CSF1R: variants seen among roughly 807,000 people sequenced by gnomAD.
CSF1R encodes the protein colony stimulating factor 1 receptor.
Under a neutral mutation model 110.0 loss-of-function variants are expected in CSF1R, and 40 were observed. That is an observed-to-expected ratio of 0.36 (90% CI 0.28 to 0.47). CSF1R has a LOEUF of 0.47. CSF1R is among the 20% of genes least tolerant of loss of function. The pLI, the probability that CSF1R is intolerant of heterozygous loss-of-function variation, is 0.99. For synonymous variants in CSF1R, 523 were observed against 503.4 expected (o/e 1.04, Z -0.52); for missense variants, 1,052 against 1,253.0 (o/e 0.84, Z 2.42).
At chr5:150,098,889 ACTTTTTT>A (rs1464822826) in intron 1 of CSF1R, among the ~76,000 whole-genome samples, 3 of 132,998 alleles carry the variant, frequency 2.3e-5, no homozygotes, top group Non-Finnish European at 3.2e-5. Flanking sequence ...AATACAAACA[ACTTTTTT>A]TTTTTTTTTT....
Position 150,110,770 on chromosome 5 carries a change from G to A in CSF1R, c.-181+2491C>T, listed in dbSNP as rs138505482. On this transcript the variant is annotated intron_variant, in intron 1 of 21. Transcript: ENST00000286301. ...GATAAATTTGTACCACAGAGTTGCT[G>A]AATAAAGAGAATAAAGATTTAAAAT... is the stretch of plus-strand genomic sequence containing the variant. 1.6e-3 allele frequency among the ~76,000 whole-genome samples: 247 copies of A among 152,258 alleles called. 6 individuals are homozygous for A. In the South Asian group the frequency reaches 0.025, roughly 16 times the overall value.
intron 9 of CSF1R, among the ~76,000 whole-genome samples, chr5:150,068,987 T>G (rs1757908693): frequency 1.3e-5 from 2 of 152,222 alleles, no homozygotes; most frequent in South Asian, 2.1e-4. Context: ...TTCTATTTAT[T>G]TCCTAGGTTT....
chr5:150,057,041 G>A (rs1757250975), intron 16 of CSF1R, among the ~76,000 whole-genome samples: 1 of 152,132 alleles, frequency 6.6e-6, no homozygotes, highest in Non-Finnish European at 1.5e-5. Flanking sequence ...AAAAACGAAT[G>A]AAGAAAGCCT....
chr5:150,103,092 A>G (rs1160944479), intron 1 of CSF1R, among the ~76,000 whole-genome samples: 1 of 152,262 alleles, frequency 6.6e-6, no homozygotes, highest in Non-Finnish European at 1.5e-5. Flanking sequence ...AGGAAGGTCA[A>G]GGAGGGTTTG....
Position 150,057,539 on chromosome 5 carries a change from A to G in CSF1R, c.2186T>C (p.Val729Ala), listed in dbSNP as rs1041149647. 2.5e-6 allele frequency: 4 copies of G among 1,614,056 alleles called. No individual in the cohort carries two copies. In the African/African-American group the frequency reaches 5.3e-5, roughly 22 times the overall value. Residue 729 changes from valine (V) to alanine (A), a missense_variant, in exon 15 of 21, where the codon GTC becomes GCC. Physicochemically the swap from Val to Ala is moderately conservative, Grantham distance 64. This residue lies in a region of CSF1R where 124 missense variants were observed against 117.7 expected (regional missense o/e 1.05). Coordinates refer to ENST00000675795, the MANE Select transcript of CSF1R (RefSeq NM_001288705.3). ...GAAGGAGTCATTTGAAGAAGTGGAGACAGGCCTCATCTCCACATAGGTGTC... is the reference window on the plus strand; with the variant it reads ...GAAGGAGTCATTTGAAGAAGTGGAGGCAGGCCTCATCTCCACATAGGTGTC... ...GVDTYVEMRP[V>A]STSSNDSFSE...
intron 1 of CSF1R, among the ~76,000 whole-genome samples, chr5:150,097,349 G>A (rs1438274029): frequency 2.0e-5 from 3 of 150,502 alleles, no homozygotes; most frequent in Admixed American, 6.6e-5. Flanking sequence ...GGGAGGTAGG[G>A]AAGGAGGAAG....
intron 10 of CSF1R, among the ~76,000 whole-genome samples, chr5:150,063,355 C>T (rs1371393313): frequency 1.4e-5 from 2 of 147,586 alleles, no homozygotes; most frequent in East Asian, 4.0e-4. Flanking sequence ...CGCCATCTGA[C>T]TTTTTTTTTT....
chr5:150,094,900 G>A lies in CSF1R; in HGVS notation c.-180-8293C>T. Reference sequence around the variant, plus strand: ...CATGAGATCTATACTGTTGGAAAACGCTTCAAAGAGGCAAATAACTTCCTG... The same window carrying A: ...CATGAGATCTATACTGTTGGAAAACACTTCAAAGAGGCAAATAACTTCCTG... On this transcript the variant is annotated intron_variant, in intron 1 of 21. Transcript: ENST00000286301. The A allele has an allele frequency of 1.3e-5, 16 of 1,263,312 alleles. 1 individual carries two copies. The South Asian group carries it at 1.5e-4, about 12-fold the overall frequency. 78.3% of individuals were successfully genotyped at this position (1,263,312 alleles called of 1,614,324 possible).
chr5:150,091,327 T>C (rs1759029982), upstream of CSF1R, among the ~76,000 whole-genome samples: 1 of 152,176 alleles, frequency 6.6e-6, no homozygotes, highest in Non-Finnish European at 1.5e-5. Flanking sequence ...AATAAATACA[T>C]GCACGCAAAT....
At chr5:150,084,219 C>T (rs1581329355) in intron 1 of CSF1R, among the ~76,000 whole-genome samples, 2 of 151,638 alleles carry the variant, frequency 1.3e-5, no homozygotes, top group East Asian at 3.9e-4. Context: ...CACCAGTAAT[C>T]ACAGCTACTC....
intron 1 of CSF1R, among the ~76,000 whole-genome samples, chr5:150,084,727 C>T (rs1024800592): frequency 2.0e-5 from 3 of 151,638 alleles, no homozygotes; most frequent in African/African-American, 7.3e-5. Flanking sequence ...GCTGGGATTA[C>T]AGGTGTGAGC....
At chr5:150,111,475 T>A (rs1759715245) in intron 1 of CSF1R, among the ~76,000 whole-genome samples, 1 of 152,222 alleles carries the variant, frequency 6.6e-6, no homozygotes, top group South Asian at 2.1e-4. Context: ...CTCCCACAAA[T>A]GAGTTTTTAT....
At position 150,069,999 on chromosome 5, in the gene CSF1R, G is replaced by A. The variant is rs1236366707; in HGVS notation, c.1384C>T (p.Pro462Ser). Residue 462 changes from proline (P) to serine (S), a missense_variant, in exon 9 of 21, where the codon CCC (proline) becomes TCC (serine). Coordinates refer to ENST00000675795, the MANE Select transcript of CSF1R (RefSeq NM_001288705.3). ...CTCTGCACCGTCACCTTGTGGAAGGGCTCCTGGCTCAGGACCTCAGGGTAT... is the reference window on the plus strand; with the variant it reads ...CTCTGCACCGTCACCTTGTGGAAGGACTCCTGGCTCAGGACCTCAGGGTAT... The part of the protein sequence containing the change: ...DPYPEVLSQE[P>S]FHKVTVQSLL... The A allele has an allele frequency of 1.2e-6, 2 of 1,613,994 alleles. No homozygotes were observed. The highest frequency in any genetic ancestry group is 1.7e-6 in the Non-Finnish European group (2 of 1,179,978).
chr5:150,103,834 C>T lies in CSF1R; in HGVS notation c.-181+9427G>A, dbSNP rs1001008235. 3.3e-5 allele frequency among the ~76,000 whole-genome samples: 5 copies of T among 152,128 alleles called. No homozygotes were observed. In the South Asian group the frequency reaches 6.2e-4, roughly 19 times the overall value. On this transcript the variant is annotated intron_variant, in intron 1 of 21. Transcript: ENST00000286301. ...ATGGGAGTAGAAAGGGGGTGAGGTC[C>T]AAGTACTAAGAGTACCTGACAACCT...
chr5:150,078,494 T>C (rs1235501162), intron 3 of CSF1R, among the ~76,000 whole-genome samples: 1 of 152,120 alleles, frequency 6.6e-6, no homozygotes, highest in Admixed American at 6.5e-5. Context: ...TTCTCCACTC[T>C]GGACTTCTGC....
chr5:150,059,651 A>T, intron 14 of CSF1R, 49 bp downstream of exon 14: 1 of 1,599,984 alleles, frequency 6.3e-7, no homozygotes, highest in Non-Finnish European at 8.5e-7. Context: ...ACAGACTCGG[A>T]TCCTGCCTCC....
chr5:150,086,338 C>T (rs1364821220), intron 1 of CSF1R, 41 bp downstream of exon 1: 1 of 1,568,306 alleles, frequency 6.4e-7, no homozygotes, highest in East Asian at 2.3e-5. Context: ...TCTTCTCCAT[C>T]ACACCCCAAC....
rs373828759 is a variant in CSF1R, at chr5:150,070,529, C to G, written c.1125G>C (p.Glu375Asp). Residue 375 changes from glutamate (E) to aspartate (D), a missense_variant, in exon 7 of 21, where the codon GAG (glutamate) becomes GAC (aspartate). Transcript: ENST00000675795. ...TLSLPRLKPS[E>D]AGRYSFLARN... is the part of the protein sequence containing the mutation. Reference sequence around the variant, plus strand: ...TGGCCAGGAAGGAGTAGCGGCCAGCCTCAGAGGGCTTCAGGCGGGGCAGAG... The same window carrying G: ...TGGCCAGGAAGGAGTAGCGGCCAGCGTCAGAGGGCTTCAGGCGGGGCAGAG... 6.4e-7 allele frequency: 1 copy of G among 1,551,134 alleles called. No individual in the cohort carries two copies. Among genetic ancestry groups the G allele is most frequent in the Non-Finnish European group, 8.7e-7 (1 of 1,147,260 alleles).
At chr5:150,056,185 T>C (rs2113779097) in intron 17 of CSF1R, 34 bp downstream of exon 17, 2 of 1,614,006 alleles carry the variant, frequency 1.2e-6, no homozygotes, top group South Asian at 2.2e-5. Flanking sequence ...CTTCACCCCC[T>C]CCCCAGCCTG....
Sources: allele counts gnomAD v4.1 joint callset (sites outside exome capture counted in the v4.1 genomes callset), GRCh38; gene constraint gnomAD v4.1.1; regional missense constraint gnomAD v4.1.1; transcripts MANE v1.5; gene names NCBI Gene and HGNC (gene_info 2026-07-23, HGNC 2026-07-21).